The following TASOR2 variants were observed in gnomAD, a reference collection of about 807,000 sequenced individuals.
TASOR2 encodes the protein protein TASOR 2.
A neutral mutation model predicts 199.5 loss-of-function variants in TASOR2; 84 were observed. That is an observed-to-expected ratio of 0.42 (90% CI 0.35 to 0.50). The LOEUF (loss-of-function observed/expected upper bound fraction) is 0.50. TASOR2 is among the 20% of genes least tolerant of loss of function. The pLI, the probability that TASOR2 is intolerant of heterozygous loss-of-function variation, is 0.02. For missense variants in TASOR2, 2,796 were observed against 2,835.9 expected, an observed-to-expected ratio of 0.99 and a Z score of 0.32; for synonymous variants, 1,103 against 1,046.6, an observed-to-expected ratio of 1.05 and a Z score of -1.04.
intron 11 of TASOR2, among the ~76,000 whole-genome samples, chr10:5,733,969 C>T (rs903889646): frequency 2.0e-5 from 3 of 151,904 alleles, no homozygotes; most frequent in African/African-American, 7.3e-5. Context: ...TAAAACTATT[C>T]ATTTCGCTAA....
intron 20 of TASOR2, 22 bp from the exon 22 acceptor site, chr10:5,763,007 T>C (rs745602913): frequency 1.2e-6 from 2 of 1,609,732 alleles, no homozygotes; most frequent in South Asian, 1.1e-5. Flanking sequence ...AGAAGTTCTT[T>C]ATCAATTTTG....
rs1263792554 is a variant in TASOR2, at chr10:5,710,836, A to G, written c.-287-1987A>G. Among the ~76,000 whole-genome samples the G allele has an allele frequency of 6.6e-6, 1 of 152,120 alleles. No individual in the cohort carries two copies. The highest frequency in any genetic ancestry group is 1.5e-5 in the Non-Finnish European group (1 of 67,972). On this transcript the variant is annotated intron_variant, in intron 1 of 20. Transcript: ENST00000328090. The surrounding 1 kb of genome is among the most constrained non-coding windows in gnomAD (Gnocchi z 4.6). ...GCTTTTTTATAAATATCAAATATAA[A>G]GTTCCCAAAATTATTGTTTCTAAAG...
In TASOR2 at chr10:5,730,249, G is replaced by T. The variant is rs999382117; in HGVS notation, c.488-238G>T. Reference sequence around the variant, plus strand: ...GTTTACTTGTTCTAACCTAGTGATTGCATGTCAGATGATTCTTTTTCAGTT... The same window carrying T: ...GTTTACTTGTTCTAACCTAGTGATTTCATGTCAGATGATTCTTTTTCAGTT... On this transcript the variant is annotated intron_variant, in intron 10 of 20. Coordinates refer to ENST00000328090, the Ensembl canonical transcript of TASOR2. The surrounding 1 kb of genome is among the most constrained non-coding windows in gnomAD (Gnocchi z 4.1). 6.6e-6 allele frequency among the ~76,000 whole-genome samples: 1 copy of T among 152,148 alleles called. No homozygotes were observed. Among genetic ancestry groups the T allele is most frequent in the African/African-American group, 2.4e-5 (1 of 41,422 alleles).
At position 5,687,211 on chromosome 10, in the gene TASOR2, T is replaced by C. The variant is rs1054097227; in HGVS notation, c.-288+2036T>C. 4.6e-5 allele frequency among the ~76,000 whole-genome samples: 7 copies of C among 152,350 alleles called. No individual in the cohort carries two copies. The highest frequency in any genetic ancestry group is 1.9e-4 in the East Asian group (1 of 5,192). On this transcript the variant is annotated intron_variant, in intron 1 of 20. Transcript: ENST00000328090. The surrounding 1 kb of genome is among the most constrained non-coding windows in gnomAD (Gnocchi z 4.8). ...AAATTAATAAAAGCTTTAGAAACTTTAGTTAGTTTGGAAACCTTTTGTGTG... is the reference window on the plus strand; with the variant it reads ...AAATTAATAAAAGCTTTAGAAACTTCAGTTAGTTTGGAAACCTTTTGTGTG...
chr10:5,695,179 A>G (rs1836996320), intron 1 of TASOR2, among the ~76,000 whole-genome samples: 1 of 152,210 alleles, frequency 6.6e-6, no homozygotes, highest in African/African-American at 2.4e-5. Flanking sequence ...TTTACTAAAC[A>G]CTATGTGCTA....
rs894542893 is a variant in TASOR2, at chr10:5,729,804, G to A, written c.488-683G>A. ...TAGGATTTTATTACCCAGTTCATAG[G>A]GACCAGACCTTTTCTCTTTTTTTTT... is the stretch of plus-strand genomic sequence containing the variant. On this transcript the variant is annotated intron_variant, in intron 10 of 20. Coordinates refer to ENST00000328090, the Ensembl canonical transcript of TASOR2. Among the ~76,000 whole-genome samples, 38 of 152,068 alleles carry A rather than the reference G, an allele frequency of 2.5e-4. 1 individual carries two copies. The highest frequency in any genetic ancestry group is 3.4e-3 in the Middle Eastern group (1 of 294).
chr10:5,744,067 T>A (rs1488158037), intron 14 of TASOR2: 1 of 152,244 alleles, frequency 6.6e-6, no homozygotes, highest in African/African-American at 2.4e-5. Flanking sequence ...CATTACACTT[T>A]ACCTGTAGTA....
intron 1 of TASOR2, among the ~76,000 whole-genome samples, chr10:5,686,136 T>A (rs567234683): frequency 6.6e-6 from 1 of 152,232 alleles, no homozygotes; most frequent in South Asian, 2.1e-4. Context: ...GTACTGTACA[T>A]CAATAAATAA....
chr10:5,761,199 C>G, intron 18 of TASOR2, 91 bp from the exon 20 acceptor site: 1 of 1,098,288 alleles, frequency 9.1e-7, no homozygotes, highest in Non-Finnish European at 1.3e-6. Flanking sequence ...GGCAGAGGAA[C>G]TCATGAGTTT....
At chr10:5,746,305 A>C (rs201866230) in exon 15 of TASOR2, 1 of 1,614,238 alleles carries the variant, frequency 6.2e-7, no homozygotes, top group South Asian at 1.1e-5. Context: ...GCCACTGGAT[A>C]GCACAAGAGT....
At chr10:5,712,180 C>G in intron 1 of TASOR2, 1 of 304,970 alleles carries the variant, frequency 3.3e-6, no homozygotes, top group Non-Finnish European at 5.9e-6. Flanking sequence ...CATATTTTAG[C>G]TCCTGTACTA....
chr10:5,722,159 G>A lies in TASOR2; in HGVS notation c.146+1189G>A, dbSNP rs1279381144. Among the ~76,000 whole-genome samples the A allele has an allele frequency of 6.6e-6, 1 of 152,110 alleles. No homozygotes were observed. Among genetic ancestry groups the A allele is most frequent in the African/African-American group, 2.4e-5 (1 of 41,416 alleles). On this transcript the variant is annotated intron_variant, in intron 6 of 20. Coordinates refer to ENST00000328090, the Ensembl canonical transcript of TASOR2. This position sits in a 1 kb window ranked among gnomAD's most constrained non-coding sequence, Gnocchi z 4.0. ...TGCTTATTGCTTTGGGGTTGTATAA[G>A]AAAATTTGCTAGGGGCCAGGCACAG... is the stretch of plus-strand genomic sequence containing the variant.
Position 5,754,171 on chromosome 10 carries a change from GGC to G in TASOR2, c.6607-2435_6607-2434del, listed in dbSNP as rs1838496182. Among the ~76,000 whole-genome samples, 2 of 151,998 alleles carry G rather than the reference GGC, an allele frequency of 1.3e-5. No individual in the cohort carries two copies. On this transcript the variant is annotated intron_variant, in intron 15 of 20. Coordinates refer to ENST00000328090, the Ensembl canonical transcript of TASOR2. The surrounding 1 kb of genome is among the most constrained non-coding windows in gnomAD (Gnocchi z 4.3). Reference sequence around the variant, plus strand: ...AATAAAAAAATTAGCCGGGTGTGGCGGCGCGCGCTTGTGGTACTCGGGAGGCT... The same window carrying G: ...AATAAAAAAATTAGCCGGGTGTGGCGGCGCGCTTGTGGTACTCGGGAGGCT...
Position 5,752,471 on chromosome 10 carries a change from G to C in TASOR2, c.6606+2444G>C, listed in dbSNP as rs892052368. ...GCAGGCCACGTGCAGGCCGTGTGTC[G>C]GCTCCACATGCCCACTGGGTCTGTC... On this transcript the variant is annotated intron_variant, in intron 15 of 20. Coordinates refer to ENST00000328090, the Ensembl canonical transcript of TASOR2. This position sits in a 1 kb window ranked among gnomAD's most constrained non-coding sequence, Gnocchi z 4.4. Among the ~76,000 whole-genome samples, 2 of 152,122 alleles carry C rather than the reference G, an allele frequency of 1.3e-5. No individual in the cohort carries two copies. Among genetic ancestry groups the C allele is most frequent in the African/African-American group, 4.8e-5 (2 of 41,430 alleles).
exon 21 of TASOR2, chr10:5,763,077 T>C (rs1554785058): frequency 6.2e-7 from 1 of 1,602,032 alleles, no homozygotes; most frequent in East Asian, 2.3e-5. Context: ...AATAAAAAAT[T>C]AGTATTTTCC....
rs913738542 is a variant in TASOR2, at chr10:5,710,074, G to A, written c.-287-2749G>A. Among the ~76,000 whole-genome samples, 2 of 152,276 alleles carry A rather than the reference G, an allele frequency of 1.3e-5. No individual in the cohort carries two copies. The highest frequency in any genetic ancestry group is 4.8e-5 in the African/African-American group (2 of 41,574). ...AATAAAGCTTGAGCATTGCTCAGCA[G>A]TTATGAGACCATTCATTCATAAAGT... On this transcript the variant is annotated intron_variant, in intron 1 of 20. Transcript: ENST00000328090. This position sits in a 1 kb window ranked among gnomAD's most constrained non-coding sequence, Gnocchi z 4.6.
intron 1 of TASOR2, among the ~76,000 whole-genome samples, chr10:5,702,931 C>A (rs1564262449): frequency 6.6e-6 from 1 of 152,074 alleles, no homozygotes; most frequent in Non-Finnish European, 1.5e-5. Context: ...CAGAAACATT[C>A]AATACCAGAA....
At chr10:5,731,110 C>T (rs1343886762) in exon 11 of TASOR2, 3 of 1,613,480 alleles carry the variant, frequency 1.9e-6, no homozygotes, top group South Asian at 2.2e-5. Context: ...CCGCCCCTTT[C>T]CCAAAAGAAC....
At position 5,748,396 on chromosome 10, in the gene TASOR2, T is replaced by C. The variant is rs753822851; in HGVS notation, c.4975T>C (p.Cys1659Arg). Reference sequence around the variant, plus strand: ...CATGTGCTCAGTGGTCCCCACGCTTTGTTCTTCCTCAGACAATGCTACATT... The same window carrying C: ...CATGTGCTCAGTGGTCCCCACGCTTCGTTCTTCCTCAGACAATGCTACATT... The change falls in exon 15 of 21, where the codon TGT (cysteine) becomes CGT (arginine). Residue 1659 changes from cysteine to arginine, a missense_variant. By Grantham distance (180) the Cys-to-Arg change is radical. Around this residue, in one of 3 missense-constraint regions of TASOR2, gnomAD observed 1,941 missense variants for 1,924.9 expected, o/e 1.01. Coordinates refer to ENST00000328090, the Ensembl canonical transcript of TASOR2. The surrounding 1 kb of genome is among the most constrained non-coding windows in gnomAD (Gnocchi z 5.1). The C allele has an allele frequency of 1.2e-6, 2 of 1,614,134 alleles. No homozygotes were observed. The highest frequency in any genetic ancestry group is 2.7e-5 in the African/African-American group (2 of 74,948).
Sources: allele counts gnomAD v4.1 joint callset (sites outside exome capture counted in the v4.1 genomes callset), GRCh38; gene constraint gnomAD v4.1.1; regional missense constraint gnomAD v4.1.1; non-coding constraint Gnocchi (gnomAD v3.1); transcripts MANE v1.5; gene names NCBI Gene and HGNC (gene_info 2026-07-23, HGNC 2026-07-21).